Variants in PCDHGA1 observed in about 807,000 individuals in gnomAD.
PCDHGA1 encodes protocadherin gamma subfamily A, 1.
Under a neutral mutation model 58.0 loss-of-function variants are expected in PCDHGA1, and 32 were observed. The observed-to-expected ratio is 0.55, with a 90% CI of 0.42 to 0.74. The LOEUF (loss-of-function observed/expected upper bound fraction) is 0.74, where lower values mean the gene tolerates loss of function less well. PCDHGA1 is among the 30% of genes least tolerant of loss of function. The pLI is 0.00. For synonymous variants in PCDHGA1, 498 were observed against 501.1 expected, an observed-to-expected ratio of 0.99 and a Z score of 0.08; for missense variants, 1,205 against 1,182.3, an observed-to-expected ratio of 1.02 and a Z score of -0.28.
chr5:141,415,849 C>A (rs1453652151), intron 1 of PCDHGA1: 2 of 1,230,672 alleles, frequency 1.6e-6, no homozygotes, highest in Non-Finnish European at 2.1e-6. Flanking sequence ...CTTTGCAGAA[C>A]CTTGTAGTTT....
chr5:141,421,031 T>A, intron 1 of PCDHGA1: 1 of 529,760 alleles, frequency 1.9e-6, no homozygotes, highest in Non-Finnish European at 3.3e-6. Context: ...CGCCATTGAG[T>A]CCCTCCCTCC....
chr5:141,375,914 G>A, intron 1 of PCDHGA1: 1 of 1,613,738 alleles, frequency 6.2e-7, no homozygotes, highest in Non-Finnish European at 8.5e-7. Context: ...CCTGCTCAAG[G>A]CCAGCGAGCC....
At chr5:141,383,665 C>T (rs1779352748) in intron 1 of PCDHGA1, 2 of 1,613,970 alleles carry the variant, frequency 1.2e-6, no homozygotes, top group Non-Finnish European at 1.7e-6. Flanking sequence ...CGAGAATGTG[C>T]CAGTGGGTAC....
rs760017836 is a variant in PCDHGA1, at chr5:141,432,060, C to G, written c.2422-62747C>G. 1.2e-6 allele frequency: 2 copies of G among 1,614,200 alleles called. No homozygotes were observed. The highest frequency in any genetic ancestry group is 1.7e-6 in the Non-Finnish European group (2 of 1,180,048). ...GACCGGGGAACCCCGCCCCTATCCACGGAAACTCATATCTCGCTGAACGTG... is the reference window on the plus strand; with the variant it reads ...GACCGGGGAACCCCGCCCCTATCCAGGGAAACTCATATCTCGCTGAACGTG... On this transcript the variant is annotated intron_variant, in intron 1 of 3. Coordinates refer to ENST00000517417, the MANE Select transcript of PCDHGA1 (RefSeq NM_018912.3). The surrounding 1 kb of genome is among the most constrained non-coding windows in gnomAD (Gnocchi z 6.0).
At chr5:141,341,206 G>C (rs533250208) in intron 1 of PCDHGA1, 1 of 1,614,216 alleles carries the variant, frequency 6.2e-7, no homozygotes, top group Non-Finnish European at 8.5e-7. Context: ...GCGTGGACGG[G>C]GTTCGGGCTT....
At chr5:141,390,047 C>T in intron 1 of PCDHGA1, 1 of 1,614,074 alleles carries the variant, frequency 6.2e-7, no homozygotes, top group Non-Finnish European at 8.5e-7. Flanking sequence ...GCCCCGCCTC[C>T]TGGAGCTGCT....
chr5:141,390,064 C>T, intron 1 of PCDHGA1: 1 of 1,614,060 alleles, frequency 6.2e-7, no homozygotes. Flanking sequence ...TGCTTCCAGC[C>T]TGGTCTCTGT....
intron 1 of PCDHGA1, chr5:141,388,664 G>A: frequency 1.2e-6 from 2 of 1,613,908 alleles, no homozygotes; most frequent in South Asian, 2.2e-5. Context: ...CGGGGACCAC[G>A]GTGCTACAGG....
chr5:141,360,756 A>C lies in PCDHGA1; in HGVS notation c.2421+27651A>C, dbSNP rs377534214. 274 of 1,614,010 alleles carry C rather than the reference A, an allele frequency of 1.7e-4. No individual in the cohort carries two copies. Among genetic ancestry groups the C allele is most frequent in the Non-Finnish European group, 2.2e-4 (262 of 1,179,904 alleles). On this transcript the variant is annotated intron_variant, in intron 1 of 3. Coordinates refer to ENST00000517417, the MANE Select transcript of PCDHGA1 (RefSeq NM_018912.3). ...CTCTGGACAGAGAAGAGCACAGTTT[A>C]CATCAATTGGTCCTCACAGCTGTGG...
rs762398968 is a variant in PCDHGA1 at position 141,357,089 on chromosome 5, G to T, written c.2421+23984G>T. The T allele has an allele frequency of 2.5e-6, 4 of 1,613,760 alleles. No homozygotes were observed. Among genetic ancestry groups the T allele is most frequent in the Admixed American group, 3.3e-5 (2 of 60,010 alleles). ...CACACAGGCGAGGTGCGCACCGCAC[G>T]GGCCCTGCTGGACAGAGACGCGCTC... is the stretch of plus-strand genomic sequence containing the variant. On this transcript the variant is annotated intron_variant, in intron 1 of 3. Coordinates refer to ENST00000517417, the MANE Select transcript of PCDHGA1 (RefSeq NM_018912.3).
chr5:141,368,946 T>C (rs1330631003), intron 1 of PCDHGA1, among the ~76,000 whole-genome samples: 1 of 152,202 alleles, frequency 6.6e-6, no homozygotes, highest in Non-Finnish European at 1.5e-5. Context: ...CTGGTTACTG[T>C]GAGTAGTTTA....
At chr5:141,364,571 A>G (rs750353960) in intron 1 of PCDHGA1, 5 of 1,614,012 alleles carry the variant, frequency 3.1e-6, no homozygotes, top group Admixed American at 3.3e-5. Flanking sequence ...GAACCCGCGA[A>G]GCGGCAGCTT....
In PCDHGA1 at chr5:141,485,472, C is replaced by T. The variant is rs1185020546; in HGVS notation, c.2422-9335C>T. On this transcript the variant is annotated intron_variant, in intron 1 of 3. Transcript: ENST00000517417. This position sits in a 1 kb window ranked among gnomAD's most constrained non-coding sequence, Gnocchi z 5.7. The stretch of plus-strand genomic sequence containing the variant: ...CGAGAGGCACTGTGTGGGCTCAGTG[C>T]CAGCTGCATCGTGCCCCTGGAGTTT... The T allele has an allele frequency of 3.1e-6, 5 of 1,614,138 alleles. No individual in the cohort carries two copies. In the South Asian group the frequency reaches 5.5e-5, roughly 18 times the overall value.
intron 1 of PCDHGA1, chr5:141,409,960 C>G: frequency 6.2e-7 from 1 of 1,613,416 alleles, no homozygotes; most frequent in Non-Finnish European, 8.5e-7. Flanking sequence ...AGCCCGGCTA[C>G]CTAGTGACTA....
At position 141,432,172 on chromosome 5, in the gene PCDHGA1, C is replaced by A. The variant is rs562175068; in HGVS notation, c.2422-62635C>A. ...AGAACAATCCCAGAGGAGTTTCCCT[C>A]GTCTCTGTGACCGCCCACGACCCCG... On this transcript the variant is annotated intron_variant, in intron 1 of 3. Coordinates refer to ENST00000517417, the MANE Select transcript of PCDHGA1 (RefSeq NM_018912.3). This position sits in a 1 kb window ranked among gnomAD's most constrained non-coding sequence, Gnocchi z 6.0. 5 of 1,614,152 alleles carry A rather than the reference C, an allele frequency of 3.1e-6. No homozygotes were observed. The South Asian group carries it at 4.4e-5, about 14-fold the overall frequency.
At position 141,356,801 on chromosome 5, in the gene PCDHGA1, C is replaced by G. The variant is rs369350823; in HGVS notation, c.2421+23696C>G. Reference sequence around the variant, plus strand: ...AGAGACCTGCAGCTGCTGATGACAGCCAGTGACAGTGGAGACCCTCCACTC... The same window carrying G: ...AGAGACCTGCAGCTGCTGATGACAGGCAGTGACAGTGGAGACCCTCCACTC... On this transcript the variant is annotated intron_variant, in intron 1 of 3. Coordinates refer to ENST00000517417, the MANE Select transcript of PCDHGA1 (RefSeq NM_018912.3). The G allele has an allele frequency of 5.1e-5, 82 of 1,613,922 alleles. No homozygotes were observed. The highest frequency in any genetic ancestry group is 4.6e-4 in the South Asian group (42 of 91,084).
intron 1 of PCDHGA1, chr5:141,372,459 C>CT: frequency 6.2e-7 from 1 of 1,614,070 alleles, no homozygotes; most frequent in South Asian, 1.1e-5. Context: ...GGCGGAGCTA[C>CT]AGTTTCACCT....
chr5:141,495,873 C>G (rs2099764359), intron 2 of PCDHGA1, among the ~76,000 whole-genome samples: 1 of 152,146 alleles, frequency 6.6e-6, no homozygotes, highest in Admixed American at 6.6e-5. Flanking sequence ...CTGCTTTCCT[C>G]TCTGTTCTTT....
intron 1 of PCDHGA1, among the ~76,000 whole-genome samples, chr5:141,472,102 T>C (rs1231168102): frequency 6.6e-6 from 1 of 152,240 alleles, no homozygotes; most frequent in Non-Finnish European, 1.5e-5. Flanking sequence ...ATTCCCATTT[T>C]ATACATAAAG....
Sources: gnomAD v4.1 joint callset for allele counts (sites outside exome capture counted in the v4.1 genomes callset) on GRCh38, gnomAD v4.1.1 for gene constraint, Gnocchi (gnomAD v3.1) non-coding constraint, MANE v1.5 for transcripts, NCBI Gene and HGNC (gene_info 2026-07-23, HGNC 2026-07-21) for gene names.